The following LHFPL3 variants were observed in gnomAD, a reference collection of about 807,000 sequenced individuals.
LHFPL3 encodes the protein LHFPL tetraspan subfamily member 3, also known as LHFPL tetraspan subfamily member 3 protein.
A neutral mutation model predicts 19.3 loss-of-function variants in LHFPL3; 5 were observed. That is an observed-to-expected ratio of 0.26 (90% confidence interval 0.14 to 0.54). The LOEUF is 0.54. LHFPL3 is among the 20% of genes least tolerant of loss of function. The probability of loss-of-function intolerance (pLI) is 0.94; values close to 1 mark genes in which losing one functional copy is unlikely to be tolerated. For missense variants in LHFPL3, 249 were observed against 307.4 expected, an observed-to-expected ratio of 0.81 and a Z score of 1.42; for synonymous variants, 133 against 126.2, an observed-to-expected ratio of 1.05 and a Z score of -0.36.
intron 2 of LHFPL3, among the ~76,000 whole-genome samples, chr7:104,890,025 T>G (rs1248218691): frequency 6.6e-6 from 1 of 152,192 alleles, no homozygotes; most frequent in African/African-American, 2.4e-5. Context: ...TCTGGCAGGC[T>G]TGGTGGCTTG....
At chr7:104,822,340 A>G (rs1790690577) in intron 2 of LHFPL3, among the ~76,000 whole-genome samples, 1 of 152,212 alleles carries the variant, frequency 6.6e-6, no homozygotes, top group Non-Finnish European at 1.5e-5. Flanking sequence ...ACTTCTTTTT[A>G]TAACACATTT....
At chr7:104,764,861 G>A (rs1416033998) in intron 2 of LHFPL3, among the ~76,000 whole-genome samples, 1 of 152,142 alleles carries the variant, frequency 6.6e-6, no homozygotes, top group Non-Finnish European at 1.5e-5. Context: ...GATTATTTCT[G>A]TCCCACTTTA....
Position 104,739,591 on chromosome 7 carries a change from A to AT in LHFPL3, c.682+2689dup, listed in dbSNP as rs145926577. On this transcript the variant is annotated intron_variant, in intron 2 of 2. Transcript: ENST00000424859. ...TTCACCTATTAAGACTTTTTTCACT[A>AT]TTTTTTTTTGCTGCTGTTCTTGTTT... Among the ~76,000 whole-genome samples, 758 of 150,812 alleles carry AT rather than the reference A, an allele frequency of 5.0e-3. 4 individuals are homozygous for AT. Among genetic ancestry groups the AT allele is most frequent in the African/African-American group, 0.016 (665 of 41,158 alleles).
At chr7:104,611,126 A>C (rs1362056236) in intron 1 of LHFPL3, among the ~76,000 whole-genome samples, 1 of 152,250 alleles carries the variant, frequency 6.6e-6, no homozygotes, top group East Asian at 1.9e-4. Context: ...TTAAACCTAT[A>C]GGATGTTGAT....
chr7:104,728,856 TAAGCAACTGTTG>T (rs1191425774), intron 1 of LHFPL3, among the ~76,000 whole-genome samples: 3 of 152,134 alleles, frequency 2.0e-5, no homozygotes, highest in South Asian at 4.1e-4. Flanking sequence ...AGATACTCAA[TAAGCAACTGTTG>T]AAGCAACTGT....
rs189466753 is a variant in LHFPL3, at chr7:104,733,046, C to T, written c.446-3629C>T. On this transcript the variant is annotated intron_variant, in intron 1 of 2. Coordinates refer to ENST00000424859, the MANE Select transcript of LHFPL3 (RefSeq NM_199000.3). ...TAGTTGAGAGGTTTTGAGTGAGTTT[C>T]TTAATCCTGAGTTCTAGTTTGATTG... Among the ~76,000 whole-genome samples the T allele has an allele frequency of 1.5e-3, 233 of 152,340 alleles. 1 individual carries two copies. Among genetic ancestry groups the T allele is most frequent in the African/African-American group, 5.0e-3 (208 of 41,586 alleles).
At chr7:104,478,740 G>A (rs1793074107) in intron 1 of LHFPL3, among the ~76,000 whole-genome samples, 1 of 152,160 alleles carries the variant, frequency 6.6e-6, no homozygotes, top group African/African-American at 2.4e-5. Flanking sequence ...GCCTTGCCAA[G>A]TTTCAGGCAC....
chr7:104,728,436 TG>T (rs1793629706), intron 1 of LHFPL3, among the ~76,000 whole-genome samples: 1 of 152,180 alleles, frequency 6.6e-6, no homozygotes, highest in Non-Finnish European at 1.5e-5. Flanking sequence ...GCACCCTCAG[TG>T]TGATCACTTT....
chr7:104,714,916 TA>T (rs1163239356), intron 1 of LHFPL3, among the ~76,000 whole-genome samples: 1 of 151,400 alleles, frequency 6.6e-6, no homozygotes, highest in African/African-American at 2.4e-5. Context: ...ATGCTCACTC[TA>T]TATATATATA....
chr7:104,798,189 A>C (rs1790171144), intron 2 of LHFPL3: 1 of 152,248 alleles, frequency 6.6e-6, no homozygotes, highest in South Asian at 2.1e-4. Context: ...CTTCTCCTCA[A>C]GAGAAACAAA....
chr7:104,585,480 A>AACACACACACACAC (rs57028058), intron 1 of LHFPL3, among the ~76,000 whole-genome samples: 14,519 of 123,176 alleles, frequency 0.12, 1,330 homozygotes, highest in Non-Finnish European at 0.15. Context: ...AACACACACA[A>AACACACACACACAC]ACACACACAC....
chr7:104,647,088 C>G (rs956992894), intron 1 of LHFPL3, among the ~76,000 whole-genome samples: 4 of 152,200 alleles, frequency 2.6e-5, no homozygotes, highest in African/African-American at 4.8e-5. Context: ...TCAAGGGCAG[C>G]CTGAATTAGT....
intron 1 of LHFPL3, among the ~76,000 whole-genome samples, chr7:104,501,581 G>A (rs776912936): frequency 4.6e-5 from 7 of 152,124 alleles, no homozygotes; most frequent in Non-Finnish European, 1.0e-4. Context: ...CATACTGATA[G>A]TCACTCATGC....
chr7:104,747,974 G>A (rs1794082923), intron 2 of LHFPL3, among the ~76,000 whole-genome samples: 1 of 152,132 alleles, frequency 6.6e-6, no homozygotes, highest in Non-Finnish European at 1.5e-5. Flanking sequence ...GTAGAAAGAA[G>A]TAGACATAGG....
chr7:104,502,778 G>C (rs996541759), intron 1 of LHFPL3, among the ~76,000 whole-genome samples: 1 of 152,138 alleles, frequency 6.6e-6, no homozygotes, highest in Non-Finnish European at 1.5e-5. Context: ...TGTCGGTATT[G>C]TTAGGGCATA....
chr7:104,857,067 G>A (rs972590948), intron 2 of LHFPL3, among the ~76,000 whole-genome samples: 5 of 152,224 alleles, frequency 3.3e-5, no homozygotes, highest in Middle Eastern at 3.4e-3. Flanking sequence ...CATTTCACCC[G>A]CGTGATAACT....
At chr7:104,703,239 C>T (rs1793133833) in intron 1 of LHFPL3, among the ~76,000 whole-genome samples, 1 of 152,146 alleles carries the variant, frequency 6.6e-6, no homozygotes, top group African/African-American at 2.4e-5. Flanking sequence ...TCAGATCATC[C>T]ATTCTGTTTG....
chr7:104,841,384 C>T (rs965291584), intron 2 of LHFPL3, among the ~76,000 whole-genome samples: 4 of 152,070 alleles, frequency 2.6e-5, no homozygotes, highest in Non-Finnish European at 4.4e-5. Context: ...TTTTCTCCAT[C>T]CTAGGAGCAT....
At chr7:104,676,240 T>A (rs1792589437) in intron 1 of LHFPL3, among the ~76,000 whole-genome samples, 1 of 152,214 alleles carries the variant, frequency 6.6e-6, no homozygotes, top group Admixed American at 6.5e-5. Flanking sequence ...ATATTAAATC[T>A]AAAGGCAAAA....
Sources: gnomAD v4.1 joint callset for allele counts (sites outside exome capture counted in the v4.1 genomes callset) on GRCh38, gnomAD v4.1.1 for gene constraint, MANE v1.5 for transcripts, NCBI Gene and HGNC (gene_info 2026-07-23, HGNC 2026-07-21) for gene names.